The following RAD21 variants were observed in gnomAD, a reference collection of about 807,000 sequenced individuals.
RAD21 encodes RAD21 cohesin complex component.
RAD21 carries 18 observed loss-of-function variants against 71.5 expected under a neutral mutation model. The ratio of observed to expected loss-of-function variants is 0.25; its 90% CI spans 0.17 to 0.37. The LOEUF (loss-of-function observed/expected upper bound fraction) is 0.37. Among genes scored for constraint, RAD21 ranks in the 10% least tolerant of loss-of-function variants. RAD21 has a pLI of 1.00. For synonymous variants in RAD21, 248 were observed against 254.0 expected (o/e 0.98, Z 0.22); for missense variants, 493 against 769.1 (o/e 0.64, Z 4.25).
intron 6 of RAD21, 117 bp downstream of exon 6, chr8:116,857,150 A>C: frequency 2.4e-6 from 2 of 825,432 alleles, no homozygotes; most frequent in Non-Finnish European, 1.9e-6. Context: ...ACTGATCACA[A>C]TTCACTCATA....
rs1250078497 is a variant in RAD21, at chr8:116,874,660, A to T, written c.-82T>A. ...GGGCTGGGTGGCCCGGGGAGGGGAA[A>T]AGGGTCGGGGGAGGGGGTGGGGAAA... On this transcript the variant is annotated 5_prime_UTR_variant, in exon 1 of 14. Transcript: ENST00000297338. 2 of 280,060 alleles carry T rather than the reference A, an allele frequency of 7.1e-6. No individual in the cohort carries two copies. The highest frequency in any genetic ancestry group is 1.3e-5 in the Non-Finnish European group (2 of 151,380). 17.3% of individuals were successfully genotyped at this position (280,060 alleles called of 1,614,324 possible).
At chr8:116,850,946 A>G (rs1812337341) in intron 11 of RAD21, 179 bp from the exon 12 acceptor site, 1 of 408,648 alleles carries the variant, frequency 2.4e-6, no homozygotes, top group Non-Finnish European at 4.3e-6. Flanking sequence ...TTTTTTATAA[A>G]ACTACATTGA....
At chr8:116,872,904 T>C (rs1812862331) in intron 1 of RAD21, among the ~76,000 whole-genome samples, 2 of 152,228 alleles carry the variant, frequency 1.3e-5, no homozygotes, top group East Asian at 1.9e-4. Flanking sequence ...CAGACAGTCG[T>C]AGGTTCAAAT....
intron 5 of RAD21, among the ~76,000 whole-genome samples, chr8:116,858,079 A>C (rs1052845730): frequency 1.1e-4 from 16 of 152,344 alleles, no homozygotes; most frequent in African/African-American, 3.6e-4. Flanking sequence ...TGGTTGGTTT[A>C]AACGTGATCA....
At chr8:116,850,459 A>C (rs1224716516) in intron 12 of RAD21, among the ~76,000 whole-genome samples, 159 bp downstream of exon 12, 1 of 152,194 alleles carries the variant, frequency 6.6e-6, no homozygotes, top group Non-Finnish European at 1.5e-5. Context: ...GTTCCTAATG[A>C]TGATCAATAC....
At chr8:116,873,591 GC>G (rs1343168198) in intron 1 of RAD21, among the ~76,000 whole-genome samples, 1 of 151,456 alleles carries the variant, frequency 6.6e-6, no homozygotes, top group Non-Finnish European at 1.5e-5. Flanking sequence ...GCAAAAAGAA[GC>G]CGATAAACAC....
At chr8:116,858,311 T>C (rs751974438) in intron 5 of RAD21, 41 bp downstream of exon 5, 4 of 1,460,186 alleles carry the variant, frequency 2.7e-6, no homozygotes, top group South Asian at 1.1e-5. Context: ...CAACACAATA[T>C]AACATTATAA....
chr8:116,873,865 C>G (rs1212006661), intron 1 of RAD21, among the ~76,000 whole-genome samples: 1 of 152,102 alleles, frequency 6.6e-6, no homozygotes, highest in Non-Finnish European at 1.5e-5. Context: ...CTACAACACC[C>G]GATATCCTTA....
At chr8:116,868,205 G>C (rs546963499) in intron 1 of RAD21, among the ~76,000 whole-genome samples, 1 of 152,110 alleles carries the variant, frequency 6.6e-6, no homozygotes, top group Non-Finnish European at 1.5e-5. Context: ...CACCACACTG[G>C]ACTTAATTTT....
At chr8:116,865,331 A>G (rs1385922847) in intron 2 of RAD21, among the ~76,000 whole-genome samples, 1 of 152,104 alleles carries the variant, frequency 6.6e-6, no homozygotes, top group Non-Finnish European at 1.5e-5. Context: ...CTTTTAAGCC[A>G]CTCAATATTT....
chr8:116,861,281 T>C (rs1215026735), intron 4 of RAD21, among the ~76,000 whole-genome samples: 1 of 151,952 alleles, frequency 6.6e-6, no homozygotes, highest in Non-Finnish European at 1.5e-5. Flanking sequence ...CATGGCATGA[T>C]AGCTGGATCG....
At chr8:116,864,450 G>C (rs1205882301) in intron 2 of RAD21, among the ~76,000 whole-genome samples, 1 of 151,966 alleles carries the variant, frequency 6.6e-6, no homozygotes, top group Non-Finnish European at 1.5e-5. Context: ...GTATTTATGA[G>C]CATTTTATGT....
chr8:116,861,860 G>T lies in RAD21; in HGVS notation c.355C>A (p.Gln119Lys). The change falls in exon 4 of 14, where the codon CAG becomes AAG. Residue 119 changes from glutamine (Q) to lysine (K), a missense_variant. Coordinates refer to ENST00000297338, the MANE Select transcript of RAD21 (RefSeq NM_006265.3). ...ACATACTCTAAGTCAGGCAGTGGCT[G>T]ATCAAAGTCATGAAATTCTTCAGGT... Reference protein sequence around the residue: ...TLPEEFHDFDQPLPDLDDIDV... With the variant: ...TLPEEFHDFDKPLPDLDDIDV... The T allele has an allele frequency of 6.2e-7, 1 of 1,610,950 alleles. No homozygotes were observed. Among genetic ancestry groups the T allele is most frequent in the South Asian group, 1.1e-5 (1 of 90,976 alleles).
In RAD21 at chr8:116,863,204, T is replaced by C. The variant is rs1812625618; in HGVS notation, c.200A>G (p.Tyr67Cys). ...GHLLLGVVRI[Y>C]HRKAKYLLAD... ...AAGAAGGTATTTGGCTTTCCTGTGA[T>C]AGATTCGAACTACTCCCAGTAAGAG... The change falls in exon 3 of 14, where the codon TAT becomes TGT. Residue 67 changes from tyrosine to cysteine, a missense_variant. Transcript: ENST00000297338. The C allele has an allele frequency of 6.2e-7, 1 of 1,612,352 alleles. No individual in the cohort carries two copies. Among genetic ancestry groups the C allele is most frequent in the African/African-American group, 1.3e-5 (1 of 74,992 alleles).
rs73703419 is a variant in RAD21 at position 116,874,357 on chromosome 8, T to C, written c.-33+254A>G. 2.4e-3 allele frequency: 394 copies of C among 162,634 alleles called. 1 individual carries two copies. Among genetic ancestry groups the C allele is most frequent in the African/African-American group, 9.1e-3 (377 of 41,236 alleles). The allele number at this position is 162,634 out of a possible 1,614,324, so 10.1% of individuals were successfully genotyped here. On this transcript the variant is annotated intron_variant, in intron 1 of 13. Coordinates refer to ENST00000297338, the MANE Select transcript of RAD21 (RefSeq NM_006265.3). ...GATCTCAGAATGGATCAGAATCATT[T>C]GTTACCGAACAAGCGATGATGCGGG...
Position 116,866,779 on chromosome 8 carries a change from AG to A in RAD21, c.-32-19del. ...AAGAAAACCTAAGAGGGGAAAAAAA[AG>A]TTAATGTAAACATCATCTGACAATT... On this transcript the variant is annotated intron_variant, in intron 1 of 13. Transcript: ENST00000297338. The A allele has an allele frequency of 1.3e-6, 2 of 1,497,148 alleles. No individual in the cohort carries two copies. Among genetic ancestry groups the A allele is most frequent in the African/African-American group, 1.4e-5 (1 of 71,238 alleles). The allele number at this position is 1,497,148 out of a possible 1,614,324, so 92.7% of individuals were successfully genotyped here.
rs16918570 is a variant in RAD21 at position 116,846,367 on chromosome 8, C to CAT, written c.*1131_*1132dup. 0.52 allele frequency: 119,552 copies of CAT among 229,586 alleles called. 31,473 individuals are homozygous for CAT. Among genetic ancestry groups the CAT allele is most frequent in the South Asian group, 0.72 (3,925 of 5,488 alleles). The allele number at this position is 229,586 out of a possible 1,614,324, so 14.2% of individuals were successfully genotyped here. A position where few individuals can be genotyped will look rare whatever the true frequency, so the allele number is the denominator to read the frequency against. ...TTAACTTTGCCCTAAAAAGTTAAGACATTCTGATAATCATAACAGTCACAT... is the reference window on the plus strand; with the variant it reads ...TTAACTTTGCCCTAAAAAGTTAAGACATATTCTGATAATCATAACAGTCACAT... On this transcript the variant is annotated 3_prime_UTR_variant, in exon 14 of 14. Coordinates refer to ENST00000297338, the MANE Select transcript of RAD21 (RefSeq NM_006265.3).
At chr8:116,847,906 T>A (rs910762267) in intron 13 of RAD21, among the ~76,000 whole-genome samples, 1 of 152,060 alleles carries the variant, frequency 6.6e-6, no homozygotes, top group Non-Finnish European at 1.5e-5. Context: ...TGGCAATCAG[T>A]GAATTCTTGC....
At chr8:116,859,385 A>T (rs1380447164) in intron 4 of RAD21, among the ~76,000 whole-genome samples, 1 of 151,846 alleles carries the variant, frequency 6.6e-6, no homozygotes, top group East Asian at 1.9e-4. Flanking sequence ...TTGATTAGTG[A>T]TCTTTAAAAT....
Sources: allele counts gnomAD v4.1 joint callset (sites outside exome capture counted in the v4.1 genomes callset), GRCh38; gene constraint gnomAD v4.1.1; transcripts MANE v1.5; gene names NCBI Gene and HGNC (gene_info 2026-07-23, HGNC 2026-07-21).